Variants in NFRKB observed in about 807,000 individuals in gnomAD.
NFRKB encodes the protein nuclear factor related to kappaB binding protein, also known as nuclear factor related to kappa-B-binding protein.
In NFRKB, 62 loss-of-function variants were observed where a neutral mutation model predicts 135.7. The observed-to-expected ratio is 0.46, with a 90% CI of 0.37 to 0.56. NFRKB has a LOEUF of 0.56. Among genes scored for constraint, NFRKB ranks in the 20% least tolerant of loss-of-function variants. NFRKB has a pLI of 0.00. For missense variants in NFRKB, 1,545 were observed against 1,662.0 expected (o/e 0.93, Z 1.22); for synonymous variants, 678 against 635.6 (o/e 1.07, Z -1.00).
At chr11:129,889,931 C>T (rs571081578) in intron 3 of NFRKB, among the ~76,000 whole-genome samples, 2 of 143,414 alleles carry the variant, frequency 1.4e-5, no homozygotes, top group Non-Finnish European at 3.0e-5. Context: ...AGGCTACATG[C>T]ACGTTTTATT....
intron 11 of NFRKB, 81 bp from the exon 12 acceptor site, chr11:129,881,934 G>C (rs995335169): frequency 2.0e-6 from 3 of 1,528,924 alleles, no homozygotes; most frequent in South Asian, 2.6e-5. Flanking sequence ...ACAACCTGCA[G>C]TATATGCATC....
rs555958173 is a variant in NFRKB, at chr11:129,873,835, C to A, written c.2460G>T (p.Ser820=). 6.2e-7 allele frequency: 1 copy of A among 1,614,180 alleles called. No homozygotes were observed. The highest frequency in any genetic ancestry group is 2.2e-5 in the East Asian group (1 of 44,870). The part of the protein sequence containing the change: ...QPSLPAVPQQ[S]GGPAQTLPQM... ...GTGGCAATGTCTGTGCCGGCCCTCCCGACTGCTGGGGAACAGCAGGAAGGC... is the reference window on the plus strand; with the variant it reads ...GTGGCAATGTCTGTGCCGGCCCTCCAGACTGCTGGGGAACAGCAGGAAGGC... The change falls in exon 22 of 27, where the codon TCG becomes TCT. Residue 820 remains serine (S), a synonymous_variant. Coordinates refer to ENST00000682444, the MANE Select transcript of NFRKB (RefSeq NM_001143835.2).
At chr11:129,881,647 G>A (rs1227986182) in intron 12 of NFRKB, 80 bp downstream of exon 12, 13 of 1,586,200 alleles carry the variant, frequency 8.2e-6, no homozygotes, top group Admixed American at 1.8e-5. Flanking sequence ...TGGATTACAC[G>A]AGCAAAGCTG....
intron 13 of NFRKB, among the ~76,000 whole-genome samples, chr11:129,880,482 A>G (rs996435519): frequency 2.0e-5 from 3 of 152,022 alleles, no homozygotes; most frequent in Admixed American, 6.5e-5. Flanking sequence ...TTCCCCATGG[A>G]AAGGTTCTAC....
chr11:129,891,396 T>C (rs1187366745), intron 3 of NFRKB, among the ~76,000 whole-genome samples: 3 of 152,304 alleles, frequency 2.0e-5, no homozygotes, highest in South Asian at 4.1e-4. Flanking sequence ...AAAACAGCCA[T>C]AGTTTAACTG....
rs761583169 is a variant in NFRKB, at chr11:129,875,652, CTTTTTT to C, written c.1748-195_1748-190del. The stretch of plus-strand genomic sequence containing the variant: ...AGCCACTGGAGTTCCCTATACACTT[CTTTTTT>C]TTTTTTTTTTTTTTTTTGAGACAGT... On this transcript the variant is annotated intron_variant, in intron 17 of 26. Coordinates refer to ENST00000682444, the MANE Select transcript of NFRKB (RefSeq NM_001143835.2). 2.9e-5 allele frequency among the ~76,000 whole-genome samples: 3 copies of C among 101,810 alleles called. No individual in the cohort carries two copies. The South Asian group carries it at 9.4e-4, about 32-fold the overall frequency. The allele number at this position is 101,810 out of a possible 152,430, so 66.8% of individuals were successfully genotyped here.
intron 24 of NFRKB, 119 bp downstream of exon 24, chr11:129,869,375 A>C: frequency 1.7e-6 from 2 of 1,198,766 alleles, no homozygotes; most frequent in South Asian, 1.6e-5. Context: ...TAGGGCCTCT[A>C]ATTTCCACTC....
chr11:129,884,314 TA>T (rs1733493740), intron 7 of NFRKB, among the ~76,000 whole-genome samples, 171 bp from the exon 8 acceptor site: 1 of 152,168 alleles, frequency 6.6e-6, no homozygotes, highest in African/African-American at 2.4e-5. Flanking sequence ...CATACGTTGG[TA>T]ATATATGACT....
At chr11:129,876,627 T>C in intron 17 of NFRKB, 94 bp downstream of exon 17, 1 of 1,360,096 alleles carries the variant, frequency 7.4e-7, no homozygotes, top group Non-Finnish European at 1.0e-6. Flanking sequence ...CTACCCTGGG[T>C]GGAGGGGTAA....
chr11:129,866,108 A>G, intron 24 of NFRKB, 125 bp from the exon 25 acceptor site: 4 of 721,096 alleles, frequency 5.5e-6, no homozygotes, highest in Non-Finnish European at 8.8e-6. Context: ...AGTACCCACC[A>G]GGGTCTCAAG....
rs769117866 is a variant in NFRKB at position 129,881,789 on chromosome 11, G to A, written c.1256C>T (p.Ala419Val). The A allele has an allele frequency of 1.6e-5, 26 of 1,613,684 alleles. No individual in the cohort carries two copies. The highest frequency in any genetic ancestry group is 4.4e-5 in the South Asian group (4 of 90,992). ...PASSLNSWFSAAPNWAELVLP... is the reference protein window; with the variant it reads ...PASSLNSWFSVAPNWAELVLP... ...TACCAACTCAGCCCAGTTGGGGGCC[G>A]CAGAGAACCAGCTGTTGAGGGAGCT... Residue 419 changes from alanine to valine, a missense_variant, in exon 12 of 27, where the codon GCG (alanine) becomes GTG (valine). Ala to Val is a moderately conservative substitution (Grantham distance 64). Around this residue, in one of 3 missense-constraint regions of NFRKB, gnomAD observed 678 missense variants for 646.7 expected, o/e 1.05. Transcript: ENST00000682444.
rs1948411371 is a variant in NFRKB at position 129,869,855 on chromosome 11, G to C, written c.3170C>G (p.Ala1057Gly). ...DLKPTEASSS[A>G]FRLMPALGVS... ...GCCAAGAGCTGGCATCAAGCGAAAA[G>C]CCGAACTTGAGGCTTCTGTTGGCTT... The change falls in exon 24 of 27, where the codon GCT becomes GGT. Residue 1057 changes from alanine to glycine, a missense_variant. This residue lies in a region of NFRKB where 753 missense variants were observed against 804.3 expected (regional missense o/e 0.94). Transcript: ENST00000682444. 1 of 1,614,268 alleles carries C rather than the reference G, an allele frequency of 6.2e-7. No individual in the cohort carries two copies. The highest frequency in any genetic ancestry group is 1.3e-5 in the African/African-American group (1 of 75,070).
chr11:129,882,944 C>G (rs964434663), intron 9 of NFRKB, among the ~76,000 whole-genome samples, 178 bp downstream of exon 9: 1 of 152,116 alleles, frequency 6.6e-6, no homozygotes, highest in Admixed American at 6.6e-5. Context: ...TATTAAAGAG[C>G]TGATGCTCTG....
chr11:129,873,933 G>T lies in NFRKB; in HGVS notation c.2362C>A (p.Gln788Lys), dbSNP rs1268394132. Residue 788 changes from glutamine (Q) to lysine (K), a missense_variant, in exon 22 of 27, where the codon CAG (glutamine) becomes AAG (lysine). Around this residue, in one of 3 missense-constraint regions of NFRKB, gnomAD observed 753 missense variants for 804.3 expected, o/e 0.94. Transcript: ENST00000682444. Reference protein sequence around the residue: ...PASSQTAPSSQAAARVVSHSG... With the variant: ...PASSQTAPSSKAAARVVSHSG... ...TGGCTCACGACCCGGGCGGCAGCCT[G>T]AGAACTGGGTGCAGTCTGGCTGGAA... 1.2e-6 allele frequency: 2 copies of T among 1,613,418 alleles called. No individual in the cohort carries two copies. The highest frequency in any genetic ancestry group is 1.7e-6 in the Non-Finnish European group (2 of 1,180,022).
chr11:129,885,933 AC>A (rs1197844391), intron 5 of NFRKB, among the ~76,000 whole-genome samples: 1 of 152,160 alleles, frequency 6.6e-6, no homozygotes, highest in Non-Finnish European at 1.5e-5. Flanking sequence ...GCTGGTCCAG[AC>A]CCAGGGGCTA....
chr11:129,873,960 C>G lies in NFRKB; in HGVS notation c.2335G>C (p.Ala779Pro), dbSNP rs781003824. Residue 779 changes from alanine (A) to proline (P), a missense_variant, in exon 22 of 27, where the codon GCT (alanine) becomes CCT (proline). By Grantham distance (27) the Ala-to-Pro change is conservative. Transcript: ENST00000682444. Reference protein sequence around the residue: ...MPHLGTMLSPASSQTAPSSQA... With the variant: ...MPHLGTMLSPPSSQTAPSSQA... ...GAACTGGGTGCAGTCTGGCTGGAAG[C>G]TGGGGAAAGCATTGTTCCCAGATGT... is the stretch of plus-strand genomic sequence containing the variant. 6.2e-7 allele frequency: 1 copy of G among 1,612,922 alleles called. No homozygotes were observed. The highest frequency in any genetic ancestry group is 1.1e-5 in the South Asian group (1 of 91,082).
intron 1 of NFRKB, among the ~76,000 whole-genome samples, chr11:129,895,159 C>G (rs1280485918): frequency 1.3e-5 from 2 of 152,236 alleles, no homozygotes; most frequent in Admixed American, 1.3e-4. Context: ...ACTTTCCCCG[C>G]TGGACCCTCC....
chr11:129,866,102 C>G (rs1009651632), intron 24 of NFRKB, 119 bp from the exon 25 acceptor site: 1 of 782,290 alleles, frequency 1.3e-6, no homozygotes, highest in Non-Finnish European at 2.0e-6. Flanking sequence ...GTCCCCAGTA[C>G]CCACCAGGGT....
chr11:129,884,280 ACAGGAT>A, intron 7 of NFRKB, 137 bp from the exon 8 acceptor site: 1 of 831,910 alleles, frequency 1.2e-6, no homozygotes, highest in Non-Finnish European at 2.0e-6. Context: ...CTTTAAAGTC[ACAGGAT>A]CGACACTTCC....
Sources: gnomAD v4.1 joint callset for allele counts (sites outside exome capture counted in the v4.1 genomes callset) on GRCh38, gnomAD v4.1.1 for gene constraint, gnomAD v4.1.1 regional missense constraint, MANE v1.5 for transcripts, NCBI Gene and HGNC (gene_info 2026-07-23, HGNC 2026-07-21) for gene names.